Variants in PEG3 observed in about 807,000 individuals in gnomAD.
PEG3 encodes the protein paternally expressed 3.
A neutral mutation model predicts 35.5 loss-of-function variants in PEG3; 23 were observed. The ratio of observed to expected loss-of-function variants is 0.65; its 90% CI spans 0.47 to 0.92. The LOEUF (loss-of-function observed/expected upper bound fraction) is 0.92. Ranked by LOEUF, PEG3 falls within the 40% of genes least tolerant of loss-of-function variation. PEG3 has a pLI of 0.00. For synonymous variants in PEG3, 707 were observed against 697.0 expected (o/e 1.01, Z -0.23); for missense variants, 1,960 against 1,985.3 (o/e 0.99, Z 0.24).
chr19:56,834,761 C>T (rs2061915369), intron 2 of PEG3, among the ~76,000 whole-genome samples: 1 of 152,144 alleles, frequency 6.6e-6, no homozygotes, highest in Non-Finnish European at 1.5e-5. Context: ...ATGTCAGCTT[C>T]TCCCTAAGCA....
chr19:56,812,866 G>C lies in PEG3; in HGVS notation c.*809C>G, dbSNP rs781412285. The C allele has an allele frequency of 7.0e-5, 69 of 982,560 alleles. No homozygotes were observed. The highest frequency in any genetic ancestry group is 8.1e-5 in the Non-Finnish European group (67 of 829,356). The allele number at this position is 982,560 out of a possible 1,614,324, so 60.9% of individuals were successfully genotyped here. A position where few individuals can be genotyped will look rare whatever the true frequency, so the allele number is the denominator to read the frequency against. ...ACAAATGTGTAATATTTTTGCATGA[G>C]AACCACTTCAACAAACATAACATGT... On this transcript the variant is annotated 3_prime_UTR_variant, in exon 10 of 10. Coordinates refer to ENST00000326441, the MANE Select transcript of PEG3 (RefSeq NM_006210.3).
intron 1 of PEG3, among the ~76,000 whole-genome samples, chr19:56,840,203 G>T (rs527946455): frequency 6.6e-6 from 1 of 152,184 alleles, no homozygotes; most frequent in African/African-American, 2.4e-5. Flanking sequence ...GACTTGCCGT[G>T]GCAGAGCCCC....
At chr19:56,818,806 G>A (rs578129373) in intron 7 of PEG3, 104 bp from the exon 8 acceptor site, 12 of 1,329,414 alleles carry the variant, frequency 9.0e-6, no homozygotes, top group African/African-American at 4.3e-5. Flanking sequence ...AGTTATATAG[G>A]AAGTGCTCAC....
chr19:56,822,009 C>A (rs1282269254), intron 6 of PEG3, among the ~76,000 whole-genome samples: 1 of 152,080 alleles, frequency 6.6e-6, no homozygotes, highest in Admixed American at 6.5e-5. Context: ...CAGATTGTGC[C>A]CAAGCTGTGT....
Position 56,814,672 on chromosome 19 carries a change from T to C in PEG3, c.3770A>G (p.Gln1257Arg). 6.2e-7 allele frequency: 1 copy of C among 1,614,178 alleles called. No homozygotes were observed. Among genetic ancestry groups the C allele is most frequent in the Non-Finnish European group, 8.5e-7 (1 of 1,180,024 alleles). ...HREDDLLEQS[Q>R]MAEEAIIPGL... The stretch of plus-strand genomic sequence containing the variant: ...TGGAATGATAGCTTCCTCAGCCATC[T>C]GGCTCTGCTCCAGTAAATCATCTTC... Residue 1257 changes from glutamine to arginine, a missense_variant, in exon 10 of 10, where the codon CAG (glutamine) becomes CGG (arginine). Coordinates refer to ENST00000326441, the MANE Select transcript of PEG3 (RefSeq NM_006210.3). The surrounding 1 kb of genome is among the most constrained non-coding windows in gnomAD (Gnocchi z 5.8).
At position 56,811,206 on chromosome 19, in the gene PEG3, G is replaced by A. The variant is rs1155461; in HGVS notation, c.*2469C>T. 1 of 969,556 alleles carries A rather than the reference G, an allele frequency of 1.0e-6. No individual in the cohort carries two copies. Among genetic ancestry groups the A allele is most frequent in the Admixed American group, 6.2e-5 (1 of 16,232 alleles). 60.1% of individuals were successfully genotyped at this position (969,556 alleles called of 1,614,324 possible). A position where few individuals can be genotyped will look rare whatever the true frequency, so the allele number is the denominator to read the frequency against. ...AACTTTTTAGTAACACTACCATAAA[G>A]AACATTCAAGAAATTTAAGAAAATA... On this transcript the variant is annotated 3_prime_UTR_variant, in exon 10 of 10. Transcript: ENST00000326441.
Position 56,816,492 on chromosome 19 carries a change from A to C in PEG3, c.1950T>G (p.Thr650=), listed in dbSNP as rs1054218601. 2.5e-6 allele frequency: 4 copies of C among 1,613,270 alleles called. No homozygotes were observed. Among genetic ancestry groups the C allele is most frequent in the Non-Finnish European group, 2.5e-6 (3 of 1,179,578 alleles). ...SSLKEHQKIH[T]RGNPFENKGK... ...CCTTGTTTTCAAATGGGTTCCCTCT[A>C]GTATGGATTTTCTGATGTTCTTTCA... The change falls in exon 10 of 10, where the codon ACT becomes ACG. Residue 650 remains threonine (T), a synonymous_variant. Transcript: ENST00000326441.
chr19:56,827,187 A>G (rs936371584), intron 2 of PEG3, among the ~76,000 whole-genome samples: 2 of 152,212 alleles, frequency 1.3e-5, no homozygotes, highest in African/African-American at 2.4e-5. Flanking sequence ...ACTTCCTACA[A>G]TTAATTTTGT....
At position 56,821,788 on chromosome 19, in the gene PEG3, G is replaced by C. The variant is rs375396925; in HGVS notation, c.566-34C>G. On this transcript the variant is annotated intron_variant, in intron 6 of 9. Coordinates refer to ENST00000326441, the MANE Select transcript of PEG3 (RefSeq NM_006210.3). ...AAAAAAGGCATCAACAAGAAGCAGG[G>C]CCCAGTCCATCCTGCAGGTCCCAGG... 4 of 1,610,056 alleles carry C rather than the reference G, an allele frequency of 2.5e-6. No individual in the cohort carries two copies. In the East Asian group the frequency reaches 6.7e-5, roughly 27 times the overall value.
chr19:56,813,655 C>T lies in PEG3; in HGVS notation c.*20G>A, dbSNP rs1383221103. The T allele has an allele frequency of 1.9e-6, 3 of 1,598,710 alleles. No individual in the cohort carries two copies. The African/African-American group carries it at 4.0e-5, about 21-fold the overall frequency. ...GGGTCAAGTCCTAGGTGAAGGTTTT[C>T]TAACCTTTACCCCATGCCCTCAGCC... is the stretch of plus-strand genomic sequence containing the variant. On this transcript the variant is annotated 3_prime_UTR_variant, in exon 10 of 10. Coordinates refer to ENST00000326441, the MANE Select transcript of PEG3 (RefSeq NM_006210.3).
chr19:56,810,106 G>T lies in PEG3; in HGVS notation c.*3569C>A. 1.1e-6 allele frequency: 1 copy of T among 929,984 alleles called. No individual in the cohort carries two copies. Among genetic ancestry groups the T allele is most frequent in the Non-Finnish European group, 1.3e-6 (1 of 779,440 alleles). The allele number at this position is 929,984 out of a possible 1,614,324, so 57.6% of individuals were successfully genotyped here. Reference sequence around the variant, plus strand: ...ATTTATTTTTAACTTTATTTTTATTGTTGACACTATTACAGATAGAATGAC... The same window carrying T: ...ATTTATTTTTAACTTTATTTTTATTTTTGACACTATTACAGATAGAATGAC... On this transcript the variant is annotated 3_prime_UTR_variant, in exon 10 of 10. Coordinates refer to ENST00000326441, the MANE Select transcript of PEG3 (RefSeq NM_006210.3).
At position 56,811,654 on chromosome 19, in the gene PEG3, C is replaced by G. The variant is rs893602498; in HGVS notation, c.*2021G>C. The stretch of plus-strand genomic sequence containing the variant: ...GTACCCACAAAGTTCACCCCGACAT[C>G]AACACTGATTCTCGTTTCAAGAGTC... On this transcript the variant is annotated 3_prime_UTR_variant, in exon 10 of 10. Transcript: ENST00000326441. 3.0e-6 allele frequency: 3 copies of G among 985,306 alleles called. No homozygotes were observed. In the African/African-American group the frequency reaches 5.2e-5, roughly 17 times the overall value. The allele number at this position is 985,306 out of a possible 1,614,324, so 61.0% of individuals were successfully genotyped here.
intron 6 of PEG3, 74 bp downstream of exon 6, chr19:56,822,679 G>A: frequency 6.4e-7 from 1 of 1,569,650 alleles, no homozygotes; most frequent in South Asian, 1.2e-5. Context: ...CGAGGCCCTG[G>A]CACTTTCCCC....
At chr19:56,838,150 CCT>C (rs1410954322) in intron 1 of PEG3, among the ~76,000 whole-genome samples, 2 of 152,220 alleles carry the variant, frequency 1.3e-5, no homozygotes, top group Non-Finnish European at 2.9e-5. Context: ...GTCACTCAGT[CCT>C]CTGCACCCGG....
Position 56,821,647 on chromosome 19 carries a change from A to G in PEG3, c.669+4T>C. 1 of 1,613,820 alleles carries G rather than the reference A, an allele frequency of 6.2e-7. No individual in the cohort carries two copies. Among genetic ancestry groups the G allele is most frequent in the Non-Finnish European group, 8.5e-7 (1 of 1,179,968 alleles). On this transcript the variant is annotated splice_donor_region_variant and intron_variant, in intron 7 of 9. Transcript: ENST00000326441. ...TTCTAGAAAGAGAGGAAACCTGAGCATACCTGAGATCGGGACTCATAAGCC... is the reference window on the plus strand; with the variant it reads ...TTCTAGAAAGAGAGGAAACCTGAGCGTACCTGAGATCGGGACTCATAAGCC...
chr19:56,814,765 C>T lies in PEG3; in HGVS notation c.3677G>A (p.Arg1226Gln), dbSNP rs752710501. The T allele has an allele frequency of 4.3e-6, 7 of 1,614,106 alleles. No homozygotes were observed. Among genetic ancestry groups the T allele is most frequent in the South Asian group, 1.1e-5 (1 of 91,080 alleles). ...RNPALAGSAI[R>Q]CLLCGQGFIH... is the part of the protein sequence containing the mutation. ...GAAGCCTTGTCCACACAAAAGGCATCGAATGGCCGACCCAGCAAGAGCAGG... is the reference window on the plus strand; with the variant it reads ...GAAGCCTTGTCCACACAAAAGGCATTGAATGGCCGACCCAGCAAGAGCAGG... Residue 1226 changes from arginine (R) to glutamine (Q), a missense_variant, in exon 10 of 10, where the codon CGA (arginine) becomes CAA (glutamine). By Grantham distance (43) the Arg-to-Gln change is conservative. Around this residue, in one of 5 missense-constraint regions of PEG3, gnomAD observed 124 missense variants for 179.6 expected, o/e 0.69. Transcript: ENST00000326441. The surrounding 1 kb of genome is among the most constrained non-coding windows in gnomAD (Gnocchi z 5.8).
chr19:56,819,804 T>C (rs1422445647), intron 7 of PEG3, among the ~76,000 whole-genome samples: 1 of 152,164 alleles, frequency 6.6e-6, no homozygotes, highest in Non-Finnish European at 1.5e-5. Flanking sequence ...ATATTAAATC[T>C]ACCATAGTTC....
chr19:56,814,443 T>C lies in PEG3; in HGVS notation c.3999A>G (p.Glu1333=), dbSNP rs2146143904. 6.2e-7 allele frequency: 1 copy of C among 1,614,038 alleles called. No individual in the cohort carries two copies. Among genetic ancestry groups the C allele is most frequent in the South Asian group, 1.1e-5 (1 of 91,082 alleles). The change falls in exon 10 of 10, where the codon GAA becomes GAG. Residue 1333 remains glutamate, a synonymous_variant. Coordinates refer to ENST00000326441, the MANE Select transcript of PEG3 (RefSeq NM_006210.3). This position sits in a 1 kb window ranked among gnomAD's most constrained non-coding sequence, Gnocchi z 5.8. The part of the protein sequence containing the change: ...EPLKGAIPFY[E]CKDCGKSFIH... ...TAAAGGACTTACCACAATCCTTGCA[T>C]TCATAGAATGGTATAGCTCCTTTGA...
chr19:56,837,197 G>A (rs939825696), intron 1 of PEG3, among the ~76,000 whole-genome samples: 19 of 151,978 alleles, frequency 1.3e-4, no homozygotes, highest in African/African-American at 4.4e-4. Context: ...CCCTCTAGCG[G>A]CTCTGCTCAT....
Sources: gnomAD v4.1 joint callset for allele counts (sites outside exome capture counted in the v4.1 genomes callset) on GRCh38, gnomAD v4.1.1 for gene constraint, gnomAD v4.1.1 regional missense constraint, Gnocchi (gnomAD v3.1) non-coding constraint, MANE v1.5 for transcripts, NCBI Gene and HGNC (gene_info 2026-07-23, HGNC 2026-07-21) for gene names.